Variants in INO80 observed in about 807,000 individuals in gnomAD.
The protein encoded by INO80 is chromatin-remodeling ATPase INO80.
Under a neutral mutation model 203.4 loss-of-function variants are expected in INO80, and 20 were observed. That is an observed-to-expected ratio of 0.10 (90% CI 0.07 to 0.14). INO80 has a LOEUF of 0.14. Ranked by LOEUF, INO80 falls within the 10% of genes least tolerant of loss-of-function variation. INO80 has a pLI of 1.00. For missense variants in INO80, 1,419 were observed against 1,914.4 expected (o/e 0.74, Z 4.83); for synonymous variants, 726 against 685.2 (o/e 1.06, Z -0.93).
At chr15:41,010,020 C>T (rs2044110592) in intron 27 of INO80, among the ~76,000 whole-genome samples, 2 of 152,170 alleles carry the variant, frequency 1.3e-5, no homozygotes, top group Non-Finnish European at 2.9e-5. Context: ...GTGGCCATCT[C>T]CGCTTAATAT....
intron 5 of INO80, among the ~76,000 whole-genome samples, chr15:41,089,147 G>A (rs1230588142): frequency 2.0e-5 from 3 of 152,120 alleles, no homozygotes; most frequent in Non-Finnish European, 4.4e-5. Flanking sequence ...CCAAGATCAT[G>A]CCACTGCATT....
In INO80 at chr15:40,997,607, GA is replaced by G; in HGVS notation, c.3498-7del. Reference sequence around the variant, plus strand: ...GGAACACAAAGATGTCATTCCTGCAGAAAAGGGAGAGATATGTTAAAGGAAA... The same window carrying G: ...GGAACACAAAGATGTCATTCCTGCAGAAAGGGAGAGATATGTTAAAGGAAA... On this transcript the variant is annotated splice_region_variant and splice_polypyrimidine_tract_variant and intron_variant, in intron 28 of 35. Coordinates refer to ENST00000648947, the MANE Select transcript of INO80 (RefSeq NM_017553.3). 1 of 1,602,228 alleles carries G rather than the reference GA, an allele frequency of 6.2e-7. No homozygotes were observed. The highest frequency in any genetic ancestry group is 8.6e-7 in the Non-Finnish European group (1 of 1,169,430).
Position 41,016,132 on chromosome 15 carries a change from C to A in INO80, c.3358G>T (p.Val1120Phe), listed in dbSNP as rs759116786. The change falls in exon 27 of 36, where the codon GTC becomes TTC. Residue 1120 changes from valine to phenylalanine, a missense_variant. By Grantham distance (50) the Val-to-Phe change is conservative (BLOSUM62 -1). Transcript: ENST00000648947. ...LTRLKSQGHRVLIYSQMTRMI... is the reference protein window; with the variant it reads ...LTRLKSQGHRFLIYSQMTRMI... ...CTGGTCATCTGGGAGTAGATAAGGACCCTATGCCCTTGAGACTTGAGCCGA... is the reference window on the plus strand; with the variant it reads ...CTGGTCATCTGGGAGTAGATAAGGAACCTATGCCCTTGAGACTTGAGCCGA... 3 of 1,613,732 alleles carry A rather than the reference C, an allele frequency of 1.9e-6. No individual in the cohort carries two copies. The Admixed American group carries it at 5.0e-5, about 27-fold the overall frequency.
chr15:41,115,847 A>G, intron 1 of INO80, 126 bp downstream of exon 1: 1 of 371,100 alleles, frequency 2.7e-6, no homozygotes, highest in Non-Finnish European at 4.8e-6. Context: ...TACTAACCCC[A>G]ACAAATCCAA....
chr15:41,070,670 C>T, intron 12 of INO80, 123 bp from the exon 13 acceptor site: 1 of 768,102 alleles, frequency 1.3e-6, no homozygotes, highest in Non-Finnish European at 2.2e-6. Context: ...AGATACTCAG[C>T]CTCAGCACTT....
rs190095758 is a variant in INO80, at chr15:40,979,700, T to G, written c.*523A>C. 63 of 164,892 alleles carry G rather than the reference T, an allele frequency of 3.8e-4. 1 individual carries two copies. The highest frequency in any genetic ancestry group is 1.6e-3 in the Admixed American group (29 of 17,630). 10.2% of individuals were successfully genotyped at this position (164,892 alleles called of 1,614,324 possible). On this transcript the variant is annotated 3_prime_UTR_variant, in exon 36 of 36. Transcript: ENST00000648947. ...CTCCACCATCTCTCGCAGTCACTGC[T>G]CTCTCCAATGATGACACTCTGGGGT...
At chr15:41,023,871 T>C (rs1231900566) in intron 25 of INO80, among the ~76,000 whole-genome samples, 1 of 151,316 alleles carries the variant, frequency 6.6e-6, no homozygotes, top group Non-Finnish European at 1.5e-5. Context: ...ACCGTTTTGA[T>C]TTAAAAATTT....
At chr15:41,076,922 T>C (rs1236521593) in intron 9 of INO80, among the ~76,000 whole-genome samples, 1 of 152,168 alleles carries the variant, frequency 6.6e-6, no homozygotes, top group Non-Finnish European at 1.5e-5. Context: ...CTTTTTCTTT[T>C]TTTGAGATGG....
intron 7 of INO80, among the ~76,000 whole-genome samples, chr15:41,082,015 C>A (rs1028582094): frequency 6.6e-6 from 1 of 151,190 alleles, no homozygotes; most frequent in Non-Finnish European, 1.5e-5. Context: ...TTTGGGAGGC[C>A]GAGGCGGGTG....
rs149029244 is a variant in INO80, at chr15:41,076,316, C to T, written c.1132-1751G>A. On this transcript the variant is annotated intron_variant, in intron 9 of 35. Transcript: ENST00000648947. ...GAAAGGTTGCAGTGAGCCGAGGTCA[C>T]GCCACTGCACTTCAGACTGGGTAAC... is the stretch of plus-strand genomic sequence containing the variant. Among the ~76,000 whole-genome samples, 187 of 152,104 alleles carry T rather than the reference C, an allele frequency of 1.2e-3. 4 individuals carry two copies. The East Asian group carries it at 0.025, about 20-fold the overall frequency.
At chr15:41,012,648 C>T (rs762418459) in intron 27 of INO80, among the ~76,000 whole-genome samples, 1 of 149,760 alleles carries the variant, frequency 6.7e-6, no homozygotes, top group Non-Finnish European at 1.5e-5. Flanking sequence ...ATTTCCTCAC[C>T]TATTTATGTC....
At chr15:41,019,916 C>G (rs990289109) in intron 26 of INO80, among the ~76,000 whole-genome samples, 9 of 152,184 alleles carry the variant, frequency 5.9e-5, no homozygotes, top group Admixed American at 3.3e-4. Context: ...ATTTCCATTA[C>G]ATGCCAGTAA....
intron 25 of INO80, among the ~76,000 whole-genome samples, chr15:41,021,476 C>G (rs1398532844): frequency 6.6e-6 from 1 of 152,234 alleles, no homozygotes; most frequent in Non-Finnish European, 1.5e-5. Flanking sequence ...TGGCAAAGTT[C>G]TCTTAACCAT....
At chr15:41,094,214 A>G (rs1242797969) in intron 4 of INO80, among the ~76,000 whole-genome samples, 1 of 152,232 alleles carries the variant, frequency 6.6e-6, no homozygotes, top group Non-Finnish European at 1.5e-5. Context: ...TGCCTACGAC[A>G]GTAAAACACG....
Position 40,979,931 on chromosome 15 carries a change from G to C in INO80, c.*292C>G. 1 of 442,128 alleles carries C rather than the reference G, an allele frequency of 2.3e-6. No homozygotes were observed. The highest frequency in any genetic ancestry group is 2.4e-5 in the South Asian group (1 of 40,992). 27.4% of individuals were successfully genotyped at this position (442,128 alleles called of 1,614,324 possible). A position where few individuals can be genotyped will look rare whatever the true frequency, so the allele number is the denominator to read the frequency against. On this transcript the variant is annotated 3_prime_UTR_variant, in exon 36 of 36. Coordinates refer to ENST00000648947, the MANE Select transcript of INO80 (RefSeq NM_017553.3). ...ATGCCTGAGCATCTAAAGGGGGTCT[G>C]TGTCAGGCTTGCCCCGTGAGAGGTT...
At position 41,048,229 on chromosome 15, in the gene INO80, G is replaced by T; in HGVS notation, c.2624C>A (p.Ser875Tyr). The stretch of plus-strand genomic sequence containing the variant: ...ACACCTACCTTTTCTGTGAAAGAGA[G>T]ACCGTTGGATATAGTCTGGTGCAAA... ...SPFAPDYIQR[S>Y]LFHRKGINEE... The change falls in exon 22 of 36, where the codon TCT becomes TAT. Residue 875 changes from serine to tyrosine, a missense_variant. Ser to Tyr is a moderately radical substitution (Grantham distance 144). This residue lies in a region of INO80 where 302 missense variants were observed against 345.4 expected (regional missense o/e 0.87). Transcript: ENST00000648947. 6.2e-7 allele frequency: 1 copy of T among 1,613,128 alleles called. No individual in the cohort carries two copies. The highest frequency in any genetic ancestry group is 1.1e-5 in the South Asian group (1 of 90,986).
chr15:41,023,425 T>C (rs2044325473), intron 25 of INO80: 3 of 448,394 alleles, frequency 6.7e-6, no homozygotes, highest in South Asian at 1.6e-5. Flanking sequence ...ACCAGTTCTA[T>C]ATGTCTTGAA....
At chr15:41,053,439 A>G (rs971053967) in intron 19 of INO80, among the ~76,000 whole-genome samples, 1 of 152,170 alleles carries the variant, frequency 6.6e-6, no homozygotes, top group Non-Finnish European at 1.5e-5. Context: ...AGACAGACAC[A>G]CAAAGACAAC....
At chr15:41,111,351 C>G (rs1034735975) in intron 1 of INO80, among the ~76,000 whole-genome samples, 2 of 152,106 alleles carry the variant, frequency 1.3e-5, no homozygotes, top group African/African-American at 4.8e-5. Context: ...GAGGCTGAGG[C>G]AGGAGAATTG....
Sources: allele counts gnomAD v4.1 joint callset (sites outside exome capture counted in the v4.1 genomes callset), GRCh38; gene constraint gnomAD v4.1.1; regional missense constraint gnomAD v4.1.1; transcripts MANE v1.5; gene names NCBI Gene and HGNC (gene_info 2026-07-23, HGNC 2026-07-21).